Variants in YEATS2 observed in about 807,000 individuals in gnomAD.
YEATS2 encodes the protein YEATS domain-containing protein 2.
In YEATS2, 77 loss-of-function variants were observed where a neutral mutation model predicts 163.2. The ratio of observed to expected loss-of-function variants is 0.47; its 90% CI spans 0.39 to 0.57. The LOEUF is 0.57. YEATS2 is among the 20% of genes least tolerant of loss of function. The pLI is 0.00. For missense variants in YEATS2, 1,549 were observed against 1,729.8 expected (o/e 0.90, Z 1.85); for synonymous variants, 631 against 645.1 (o/e 0.98, Z 0.33).
At chr3:183,747,790 T>G in intron 9 of YEATS2, 74 bp downstream of exon 9, 3 of 1,473,796 alleles carry the variant, frequency 2.0e-6, no homozygotes, top group Non-Finnish European at 2.8e-6. Context: ...GTTTGTTTGT[T>G]TGTTTTGAGA....
chr3:183,702,790 C>T (rs1228392318), intron 1 of YEATS2, among the ~76,000 whole-genome samples: 1 of 150,184 alleles, frequency 6.7e-6, no homozygotes, highest in Non-Finnish European at 1.5e-5. Flanking sequence ...GCCAAGATTG[C>T]GCCACTGCAC....
At chr3:183,787,637 T>C (rs944773163) in intron 20 of YEATS2, among the ~76,000 whole-genome samples, 3 of 152,174 alleles carry the variant, frequency 2.0e-5, no homozygotes, top group Non-Finnish European at 4.4e-5. Flanking sequence ...CTCTGAGCTG[T>C]CTTTTCACTT....
intron 20 of YEATS2, among the ~76,000 whole-genome samples, chr3:183,788,677 G>A (rs752360056): frequency 6.6e-5 from 10 of 152,164 alleles, no homozygotes; most frequent in Non-Finnish European, 1.3e-4. Flanking sequence ...AGTGGGATGT[G>A]GATCATATGG....
At chr3:183,779,900 G>A (rs1430173264) in intron 19 of YEATS2, among the ~76,000 whole-genome samples, 3 of 151,506 alleles carry the variant, frequency 2.0e-5, no homozygotes, top group East Asian at 1.9e-4. Flanking sequence ...GTTTCACCAC[G>A]TTGGTCAGGA....
chr3:183,780,718 G>T (rs369713733), intron 19 of YEATS2, among the ~76,000 whole-genome samples: 2 of 152,170 alleles, frequency 1.3e-5, no homozygotes, highest in Non-Finnish European at 2.9e-5. Context: ...TCACAGAGAA[G>T]AATTTTAACA....
In YEATS2 at chr3:183,773,728, C is replaced by G; in HGVS notation, c.2302C>G (p.Pro768Ala). ...KLYLTTNSKN[P>A]SGKGKLLLIP... ...CTACCTAACTACAAACAGCAAGAAC[C>G]CTTCAGGAAAAGGAAAACTGCTGCT... The change falls in exon 17 of 31, where the codon CCT (proline) becomes GCT (alanine). Residue 768 changes from proline (P) to alanine (A), a missense_variant. Coordinates refer to ENST00000305135, the MANE Select transcript of YEATS2 (RefSeq NM_018023.5). 1 of 1,613,576 alleles carries G rather than the reference C, an allele frequency of 6.2e-7. No homozygotes were observed. Among genetic ancestry groups the G allele is most frequent in the Non-Finnish European group, 8.5e-7 (1 of 1,179,860 alleles).
At chr3:183,801,667 C>T (rs1725676153) in intron 25 of YEATS2, 139 bp downstream of exon 25, 2 of 582,796 alleles carry the variant, frequency 3.4e-6, no homozygotes, top group South Asian at 6.1e-5. Flanking sequence ...AGAGATACAG[C>T]CCATTTGCAA....
At chr3:183,800,247 A>G (rs1017534917) in intron 23 of YEATS2, among the ~76,000 whole-genome samples, 2 of 152,182 alleles carry the variant, frequency 1.3e-5, no homozygotes, top group Non-Finnish European at 2.9e-5. Flanking sequence ...CCGCCCTGTC[A>G]TGAGGCTGGA....
chr3:183,725,041 C>CTT lies in YEATS2; in HGVS notation c.650+532_650+533dup, dbSNP rs62826962. Among the ~76,000 whole-genome samples, 514 of 87,486 alleles carry CTT rather than the reference C, an allele frequency of 5.9e-3. 2 individuals carry two copies. The highest frequency in any genetic ancestry group is 7.9e-3 in the Non-Finnish European group (362 of 45,810). 57.4% of individuals were successfully genotyped at this position (87,486 alleles called of 152,430 possible). ...TACAGGTGTGAGCCACCGTGCCGGC[C>CTT]TTTTTTTTTTTTTTTTTTTTTTTAT... On this transcript the variant is annotated intron_variant, in intron 6 of 30. Transcript: ENST00000305135.
intron 29 of YEATS2, chr3:183,808,834 C>T (rs1726499348): frequency 6.0e-6 from 2 of 335,246 alleles, no homozygotes; most frequent in Non-Finnish European, 1.1e-5. Flanking sequence ...CCAGCCTGGG[C>T]GCGAGAGTGA....
At chr3:183,699,233 A>G (rs977433591) in intron 1 of YEATS2, among the ~76,000 whole-genome samples, 2 of 152,040 alleles carry the variant, frequency 1.3e-5, no homozygotes, top group Non-Finnish European at 2.9e-5. Context: ...GTTTTGAGCA[A>G]CTGAGTAGGT....
At chr3:183,810,407 A>C in intron 30 of YEATS2, 68 bp from the exon 31 acceptor site, 1 of 1,398,728 alleles carries the variant, frequency 7.1e-7, no homozygotes, top group East Asian at 2.4e-5. Flanking sequence ...GTGATGAGTT[A>C]AGTGAATAAA....
chr3:183,804,242 G>A, intron 27 of YEATS2, 54 bp downstream of exon 27: 2 of 1,598,750 alleles, frequency 1.3e-6, no homozygotes, highest in South Asian at 2.2e-5. Context: ...GGCATTTGCT[G>A]AGGTAGAGAG....
intron 4 of YEATS2, among the ~76,000 whole-genome samples, chr3:183,720,685 C>T (rs1038784235): frequency 6.6e-6 from 1 of 152,030 alleles, no homozygotes; most frequent in African/African-American, 2.4e-5. Context: ...ATTCATTTTC[C>T]TAGGGCTACC....
intron 27 of YEATS2, 43 bp from the exon 28 acceptor site, chr3:183,806,823 G>A (rs373038679): frequency 3.2e-5 from 51 of 1,605,734 alleles, no homozygotes; most frequent in South Asian, 4.4e-5. Context: ...GTCCTCTTCC[G>A]TTGGCCCCAC....
chr3:183,712,227 T>TATGTTATGTTATGTTA lies in YEATS2; in HGVS notation c.-19-2917_-19-2916insATGTTATGTTATGTTA, dbSNP rs1715342537. Among the ~76,000 whole-genome samples the TATGTTATGTTATGTTA allele has an allele frequency of 7.2e-5, 4 of 55,228 alleles. No homozygotes were observed. In the African/African-American group the frequency reaches 8.3e-4, roughly 11 times the overall value. The allele number at this position is 55,228 out of a possible 152,430, so 36.2% of individuals were successfully genotyped here. A position where few individuals can be genotyped will look rare whatever the true frequency, so the allele number is the denominator to read the frequency against. ...ATTTTATTTTATTTTATTTTATTTT[T>TATGTTATGTTATGTTA]TGAGACAGAGTCTCACCCTGTCTCC... On this transcript the variant is annotated intron_variant, in intron 1 of 30. Transcript: ENST00000305135.
At chr3:183,799,481 C>T (rs545851615) in intron 23 of YEATS2, among the ~76,000 whole-genome samples, 7 of 152,192 alleles carry the variant, frequency 4.6e-5, no homozygotes, top group African/African-American at 1.7e-4. Context: ...ACTCAGCTTC[C>T]CCTTTGGGGA....
At chr3:183,703,132 G>C (rs1297392395) in intron 1 of YEATS2, among the ~76,000 whole-genome samples, 2 of 152,126 alleles carry the variant, frequency 1.3e-5, no homozygotes, top group Non-Finnish European at 2.9e-5. Flanking sequence ...CTTTTGCTCA[G>C]CTCTTTACAT....
chr3:183,722,607 T>G (rs1435999826), intron 5 of YEATS2, among the ~76,000 whole-genome samples: 1 of 150,470 alleles, frequency 6.6e-6, no homozygotes, highest in African/African-American at 2.4e-5. Context: ...AATCTTGATT[T>G]GGTTTTACTT....
Sources: gnomAD v4.1 joint callset for allele counts (sites outside exome capture counted in the v4.1 genomes callset) on GRCh38, gnomAD v4.1.1 for gene constraint, MANE v1.5 for transcripts, NCBI Gene and HGNC (gene_info 2026-07-23, HGNC 2026-07-21) for gene names.